Variants in NUP93 observed in about 807,000 individuals in gnomAD.
NUP93 encodes nucleoporin 93.
Under a neutral mutation model 107.8 loss-of-function variants are expected in NUP93, and 55 were observed. The observed-to-expected ratio is 0.51, with a 90% CI of 0.41 to 0.64. The LOEUF is 0.64. Ranked by LOEUF, NUP93 falls within the 30% of genes least tolerant of loss-of-function variation. The pLI is 0.00. For missense variants in NUP93, 937 were observed against 1,044.7 expected (o/e 0.90, Z 1.42); for synonymous variants, 390 against 397.5 (o/e 0.98, Z 0.22).
At chr16:56,824,068 A>G (rs1963606660) in intron 8 of NUP93, among the ~76,000 whole-genome samples, 1 of 152,206 alleles carries the variant, frequency 6.6e-6, no homozygotes, top group Non-Finnish European at 1.5e-5. Flanking sequence ...ACGTCAAAAA[A>G]TCATGGTAAA....
chr16:56,791,560 C>T (rs1278890661), intron 3 of NUP93, among the ~76,000 whole-genome samples: 1 of 152,206 alleles, frequency 6.6e-6, no homozygotes, highest in East Asian at 1.9e-4. Context: ...CCTTTTTCTA[C>T]AGTAGGAATT....
chr16:56,768,466 G>A (rs558625968), intron 3 of NUP93, among the ~76,000 whole-genome samples: 3 of 152,200 alleles, frequency 2.0e-5, no homozygotes, highest in African/African-American at 4.8e-5. Context: ...GGGAGGCTGA[G>A]GCAGGAGAAT....
chr16:56,743,605 G>A (rs1372986597), intron 1 of NUP93, among the ~76,000 whole-genome samples: 1 of 152,050 alleles, frequency 6.6e-6, no homozygotes, highest in South Asian at 2.1e-4. Context: ...GCAGTGGGGC[G>A]GGGAGCTTTT....
intron 12 of NUP93, among the ~76,000 whole-genome samples, chr16:56,832,813 A>G (rs1468441514): frequency 2.0e-5 from 3 of 152,210 alleles, no homozygotes; most frequent in African/African-American, 7.2e-5. Context: ...CAGTTGTTGC[A>G]TTCAGATTTC....
chr16:56,742,775 T>TG (rs1447240528), intron 1 of NUP93, among the ~76,000 whole-genome samples: 6 of 152,214 alleles, frequency 3.9e-5, no homozygotes, highest in African/African-American at 1.4e-4. Context: ...GAGTATATCC[T>TG]GGGAGTAACA....
At chr16:56,789,816 G>A (rs1231176987) in intron 3 of NUP93, among the ~76,000 whole-genome samples, 1 of 152,186 alleles carries the variant, frequency 6.6e-6, no homozygotes, top group Non-Finnish European at 1.5e-5. Context: ...ACAAGCAACA[G>A]GGCCAGGTGC....
intron 3 of NUP93, chr16:56,781,751 A>G (rs937530136): frequency 3.6e-6 from 3 of 841,942 alleles, no homozygotes; most frequent in Middle Eastern, 6.0e-4. Context: ...CCTTGCCTAC[A>G]TGTTGTCTCT....
intron 6 of NUP93, 46 bp downstream of exon 6, chr16:56,818,784 A>G (rs1208917967): frequency 1.3e-6 from 2 of 1,525,232 alleles, no homozygotes; most frequent in Admixed American, 3.4e-5. Flanking sequence ...ATCCTTTGTG[A>G]ACCTCTAGGG....
At chr16:56,738,060 C>T (rs369333917) in intron 1 of NUP93, among the ~76,000 whole-genome samples, 2 of 152,346 alleles carry the variant, frequency 1.3e-5, no homozygotes, top group African/African-American at 4.8e-5. Context: ...AGATAATTTC[C>T]ATCACCACTA....
At chr16:56,733,898 A>G (rs1179025279) in intron 1 of NUP93, among the ~76,000 whole-genome samples, 1 of 152,262 alleles carries the variant, frequency 6.6e-6, no homozygotes, top group Non-Finnish European at 1.5e-5. Flanking sequence ...CACAGTTGCT[A>G]AAAGCCAGAA....
rs767522635 is a variant in NUP93 at position 56,823,803 on chromosome 16, C to T, written c.751C>T (p.Arg251Cys). ...GAAGAACCGCAGCAGCGTGGAAGTG[C>T]GCATGGAGTTTGTCAGGCAGGCCTT... ...ALKNRSSVEV[R>C]MEFVRQALAY... Residue 251 changes from arginine to cysteine, a missense_variant, in exon 8 of 22, where the codon CGC becomes TGC. Physicochemically the swap from Arg to Cys is radical, Grantham distance 180. Transcript: ENST00000308159. 9.3e-6 allele frequency: 15 copies of T among 1,614,118 alleles called. No individual in the cohort carries two copies. The Admixed American group carries it at 1.2e-4, about 13-fold the overall frequency.
At chr16:56,816,125 G>A (rs1054271274) in intron 5 of NUP93, among the ~76,000 whole-genome samples, 2 of 152,292 alleles carry the variant, frequency 1.3e-5, no homozygotes, top group Middle Eastern at 3.4e-3. Flanking sequence ...ATTGCTTCGC[G>A]TCTCTGTGTG....
chr16:56,744,975 A>C (rs1961797556), intron 1 of NUP93, among the ~76,000 whole-genome samples: 1 of 152,232 alleles, frequency 6.6e-6, no homozygotes, highest in Non-Finnish European at 1.5e-5. Context: ...TTCATTCAAA[A>C]AATGAGTACC....
intron 2 of NUP93, among the ~76,000 whole-genome samples, chr16:56,751,607 A>G (rs1331124002): frequency 6.6e-6 from 1 of 152,216 alleles, no homozygotes; most frequent in African/African-American, 2.4e-5. Context: ...CCTGAGAGGT[A>G]GGATAGGCAT....
At chr16:56,790,541 C>T (rs1203934677) in intron 3 of NUP93, among the ~76,000 whole-genome samples, 1 of 152,168 alleles carries the variant, frequency 6.6e-6, no homozygotes, top group Non-Finnish European at 1.5e-5. Flanking sequence ...CATCTGAAAA[C>T]AGTATCTTAT....
rs528775471 is a variant in NUP93 at position 56,833,319 on chromosome 16, C to A, written c.1450C>A (p.Arg484=). ...AGTTGCCTTTCTTTTCCGCATGGAG[C>A]GGCTGCGCTGCCATGCTGTCCATGT... ...AAVAFLFRME[R]LRCHAVHVAL... is the part of the protein sequence containing the mutation. The change falls in exon 13 of 22, where the codon CGG becomes AGG. Residue 484 remains arginine (R), a synonymous_variant. Coordinates refer to ENST00000308159, the MANE Select transcript of NUP93 (RefSeq NM_014669.5). 6.2e-7 allele frequency: 1 copy of A among 1,606,924 alleles called. No homozygotes were observed. The highest frequency in any genetic ancestry group is 8.5e-7 in the Non-Finnish European group (1 of 1,177,606).
At chr16:56,800,068 A>C (rs906936901) in intron 4 of NUP93, among the ~76,000 whole-genome samples, 11 of 152,162 alleles carry the variant, frequency 7.2e-5, no homozygotes, top group African/African-American at 2.2e-4. Context: ...CTATAGTCCC[A>C]GCTACTCAAG....
rs1328090599 is a variant in NUP93 at position 56,848,451 on chromosome 16, T to C, written c.*3842T>C. 6.6e-6 allele frequency: 1 copy of C among 152,220 alleles called. No individual in the cohort carries two copies. Among genetic ancestry groups the C allele is most frequent in the African/African-American group, 2.4e-5 (1 of 41,452 alleles). 9.4% of individuals were successfully genotyped at this position (152,220 alleles called of 1,614,324 possible). ...TACCAGGAAGAAGTCAGCATCTCATTAAACAGGAGTTGTCTAAACTGTGGA... is the reference window on the plus strand; with the variant it reads ...TACCAGGAAGAAGTCAGCATCTCATCAAACAGGAGTTGTCTAAACTGTGGA... On this transcript the variant is annotated 3_prime_UTR_variant, in exon 22 of 22. Coordinates refer to ENST00000308159, the MANE Select transcript of NUP93 (RefSeq NM_014669.5).
At chr16:56,771,057 C>A (rs1962312826) in intron 3 of NUP93, among the ~76,000 whole-genome samples, 1 of 152,128 alleles carries the variant, frequency 6.6e-6, no homozygotes. Flanking sequence ...CATGAACAAC[C>A]CTTACATCAT....
Sources: allele counts gnomAD v4.1 joint callset (sites outside exome capture counted in the v4.1 genomes callset), GRCh38; gene constraint gnomAD v4.1.1; transcripts MANE v1.5; gene names NCBI Gene and HGNC (gene_info 2026-07-23, HGNC 2026-07-21).